RIMS2: variants seen among roughly 807,000 people sequenced by gnomAD.
RIMS2 encodes regulating synaptic membrane exocytosis protein 2.
Under a neutral mutation model 174.4 loss-of-function variants are expected in RIMS2, and 59 were observed. The observed-to-expected ratio is 0.34, with a 90% CI of 0.27 to 0.42. The LOEUF (loss-of-function observed/expected upper bound fraction) is 0.42, where lower values mean the gene tolerates loss of function less well. Ranked by LOEUF, RIMS2 falls within the 10% of genes least tolerant of loss-of-function variation. The pLI is 1.00. For missense variants in RIMS2, 1,620 were observed against 1,666.3 expected, an observed-to-expected ratio of 0.97 and a Z score of 0.48; for synonymous variants, 606 against 572.5, an observed-to-expected ratio of 1.06 and a Z score of -0.84.
intron 19 of RIMS2, among the ~76,000 whole-genome samples, chr8:104,242,825 G>A (rs1384679333): frequency 2.0e-5 from 3 of 152,180 alleles, no homozygotes; most frequent in Non-Finnish European, 2.9e-5. Context: ...CCCTCTTAGT[G>A]CTACTAAGTT....
chr8:103,950,031 T>C (rs989177201), intron 14 of RIMS2, among the ~76,000 whole-genome samples: 1 of 152,062 alleles, frequency 6.6e-6, no homozygotes, highest in South Asian at 2.1e-4. Context: ...CTAGGTGAAA[T>C]AGAAAATTTC....
intron 19 of RIMS2, among the ~76,000 whole-genome samples, chr8:104,168,069 C>A (rs964347522): frequency 5.3e-5 from 8 of 152,022 alleles, no homozygotes; most frequent in African/African-American, 1.5e-4. Flanking sequence ...GTAACTATAG[C>A]CTTGTAGTAT....
intron 1 of RIMS2, chr8:103,569,047 A>G: frequency 2.6e-6 from 1 of 390,938 alleles, no homozygotes; most frequent in Non-Finnish European, 4.6e-6. Flanking sequence ...TTGATGTCCA[A>G]TTTATCTTTT....
intron 19 of RIMS2, among the ~76,000 whole-genome samples, chr8:104,164,113 T>G (rs1455551288): frequency 3.3e-5 from 5 of 152,158 alleles, no homozygotes; most frequent in Admixed American, 3.3e-4. Flanking sequence ...CCATTGACAT[T>G]TGAAGTATCT....
At chr8:104,117,377 T>G (rs1219856302) in intron 19 of RIMS2, among the ~76,000 whole-genome samples, 4 of 152,140 alleles carry the variant, frequency 2.6e-5, no homozygotes, top group Non-Finnish European at 5.9e-5. Flanking sequence ...TATATACCTT[T>G]GAAATAAATT....
intron 19 of RIMS2, among the ~76,000 whole-genome samples, chr8:104,170,771 G>A (rs79884696): frequency 9.9e-5 from 15 of 152,036 alleles, no homozygotes; most frequent in African/African-American, 3.6e-4. Context: ...TATGATTTAA[G>A]GAAGTTCTCT....
At chr8:103,723,984 A>G (rs1210178696) in intron 2 of RIMS2, among the ~76,000 whole-genome samples, 1 of 152,096 alleles carries the variant, frequency 6.6e-6, no homozygotes, top group Admixed American at 6.5e-5. Flanking sequence ...GCTTTGTGTC[A>G]GTGGTCACTG....
chr8:103,514,721 T>C (rs1461056329), intron 1 of RIMS2, among the ~76,000 whole-genome samples: 2 of 152,108 alleles, frequency 1.3e-5, no homozygotes, highest in Non-Finnish European at 2.9e-5. Flanking sequence ...GAGAAACTCT[T>C]AAAGTAGTTG....
At chr8:103,849,725 C>T (rs2154492265) in intron 3 of RIMS2, among the ~76,000 whole-genome samples, 1 of 151,992 alleles carries the variant, frequency 6.6e-6, no homozygotes, top group Middle Eastern at 3.4e-3. Flanking sequence ...GTAGCCAACA[C>T]TTATAGCAGC....
intron 19 of RIMS2, among the ~76,000 whole-genome samples, chr8:104,067,779 C>T (rs2097130356): frequency 6.6e-6 from 1 of 152,094 alleles, no homozygotes; most frequent in South Asian, 2.1e-4. Context: ...TTTTTGAAGG[C>T]CTTCTGAATA....
chr8:103,854,754 G>T (rs1229053320), intron 3 of RIMS2, among the ~76,000 whole-genome samples: 1 of 151,994 alleles, frequency 6.6e-6, no homozygotes, highest in East Asian at 1.9e-4. Context: ...TGTGCTGTTG[G>T]ATTTGATTTG....
chr8:103,985,347 G>A (rs1382730909), intron 16 of RIMS2, among the ~76,000 whole-genome samples: 9 of 151,378 alleles, frequency 5.9e-5, no homozygotes, highest in Middle Eastern at 3.2e-3. Flanking sequence ...GGTGGTGCGC[G>A]CCTGTAGTCC....
chr8:104,199,942 G>A (rs923357488), intron 19 of RIMS2, among the ~76,000 whole-genome samples: 4 of 152,154 alleles, frequency 2.6e-5, no homozygotes, highest in Non-Finnish European at 5.9e-5. Flanking sequence ...GGGGAAAGGA[G>A]GTAGGGAATG....
At chr8:103,619,531 T>C (rs796342326) in intron 1 of RIMS2, among the ~76,000 whole-genome samples, 25 of 152,094 alleles carry the variant, frequency 1.6e-4, no homozygotes, top group African/African-American at 5.1e-4. Flanking sequence ...AATCAAACTT[T>C]TAAGCAGCAG....
At chr8:103,977,322 T>A (rs1369974501) in intron 16 of RIMS2, 30 of 152,344 alleles carry the variant, frequency 2.0e-4, no homozygotes, top group Non-Finnish European at 1.5e-5. Flanking sequence ...AAACATTTTT[T>A]AAAAGTACTT....
intron 19 of RIMS2, among the ~76,000 whole-genome samples, chr8:104,180,103 A>G (rs977931077): frequency 2.0e-5 from 3 of 151,816 alleles, no homozygotes; most frequent in East Asian, 1.9e-4. Flanking sequence ...GTAATGCTCT[A>G]TTGAAGGGCA....
chr8:103,959,447 G>T (rs1051620694), intron 14 of RIMS2, among the ~76,000 whole-genome samples: 6 of 151,512 alleles, frequency 4.0e-5, no homozygotes, highest in Non-Finnish European at 8.8e-5. Context: ...TTTTGAGATG[G>T]AATCGCACTC....
At chr8:103,584,624 C>G (rs577692572) in intron 1 of RIMS2, among the ~76,000 whole-genome samples, 1 of 152,214 alleles carries the variant, frequency 6.6e-6, no homozygotes, top group African/African-American at 2.4e-5. Flanking sequence ...ATAGTTTGCT[C>G]TTTGCTTGTT....
chr8:104,148,741 C>T (rs1347955868), intron 19 of RIMS2: 1 of 1,598,206 alleles, frequency 6.3e-7, no homozygotes, highest in Non-Finnish European at 8.5e-7. Context: ...GCAGTGGGCA[C>T]CTTGGGCACC....
Sources: allele counts gnomAD v4.1 joint callset (sites outside exome capture counted in the v4.1 genomes callset), GRCh38; gene constraint gnomAD v4.1.1; transcripts MANE v1.5; gene names NCBI Gene and HGNC (gene_info 2026-07-23, HGNC 2026-07-21).